The following FARP1 variants were observed in gnomAD, a reference collection of about 807,000 sequenced individuals.
FARP1 encodes FERM, ARHGEF and pleckstrin domain-containing protein 1.
FARP1 carries 52 observed loss-of-function variants against 128.8 expected under a neutral mutation model. The ratio of observed to expected loss-of-function variants is 0.40; its 90% CI spans 0.32 to 0.51. The LOEUF (loss-of-function observed/expected upper bound fraction) is 0.51. FARP1 is among the 20% of genes least tolerant of loss of function. The pLI is 0.45. For synonymous variants in FARP1, 580 were observed against 551.8 expected (o/e 1.05, Z -0.72); for missense variants, 1,333 against 1,367.9 (o/e 0.97, Z 0.40).
intron 2 of FARP1, among the ~76,000 whole-genome samples, chr13:98,302,052 G>C (rs370458223): frequency 1.2e-4 from 18 of 152,042 alleles, no homozygotes; most frequent in Admixed American, 2.6e-4. Context: ...ACACAGACTG[G>C]CTCTGTACCC....
At chr13:98,375,212 C>A (rs1460881276) in intron 5 of FARP1, among the ~76,000 whole-genome samples, 1 of 152,166 alleles carries the variant, frequency 6.6e-6, no homozygotes, top group African/African-American at 2.4e-5. Context: ...TCTGATTATT[C>A]TTTTGCCAGG....
At chr13:98,270,437 C>T (rs1427368520) in intron 2 of FARP1, among the ~76,000 whole-genome samples, 2 of 152,166 alleles carry the variant, frequency 1.3e-5, no homozygotes, top group Admixed American at 6.5e-5. Context: ...TAAATGTGGA[C>T]ATGGGCATTG....
In FARP1 at chr13:98,143,306, C is replaced by G. The variant is rs1170814929; in HGVS notation, c.-210C>G. The G allele has an allele frequency of 4.0e-5, 6 of 149,762 alleles. No individual in the cohort carries two copies. Among genetic ancestry groups the G allele is most frequent in the Non-Finnish European group, 7.5e-5 (5 of 66,866 alleles). 9.3% of individuals were successfully genotyped at this position (149,762 alleles called of 1,614,324 possible). On this transcript the variant is annotated 5_prime_UTR_variant, in exon 1 of 27. Transcript: ENST00000319562. ...GCCTGCTCCGCCCTCCCCTCCGCCC[C>G]GCGCCACCTTTGATGGCTCGGACCT...
intron 1 of FARP1, among the ~76,000 whole-genome samples, chr13:98,210,552 TC>T: frequency 7.9e-6 from 1 of 127,090 alleles, no homozygotes; most frequent in South Asian, 2.4e-4. Context: ...CGTTTTTCTA[TC>T]TTTTCTTTTT....
intron 5 of FARP1, among the ~76,000 whole-genome samples, chr13:98,369,686 G>GA (rs945482593): frequency 3.3e-5 from 5 of 152,118 alleles, no homozygotes; most frequent in Non-Finnish European, 7.3e-5. Context: ...CCCTACAAAG[G>GA]ACATGAACTC....
chr13:98,277,013 C>T (rs1884685277), intron 2 of FARP1, among the ~76,000 whole-genome samples: 1 of 151,994 alleles, frequency 6.6e-6, no homozygotes, highest in East Asian at 1.9e-4. Context: ...GTCAACATTT[C>T]AAACACAAGT....
intron 1 of FARP1, among the ~76,000 whole-genome samples, chr13:98,203,480 A>G (rs1336310198): frequency 1.3e-5 from 2 of 152,184 alleles, no homozygotes; most frequent in Non-Finnish European, 2.9e-5. Flanking sequence ...TGGATATTAC[A>G]TTTAATAGGA....
intron 2 of FARP1, among the ~76,000 whole-genome samples, chr13:98,321,530 T>C (rs761798735): frequency 9.9e-5 from 15 of 152,212 alleles, no homozygotes; most frequent in Non-Finnish European, 1.8e-4. Context: ...CTGCTAGATT[T>C]ATGGCCAAAG....
At chr13:98,165,710 G>GTTTGTTTT (rs1877205378) in intron 1 of FARP1, among the ~76,000 whole-genome samples, 2 of 74,120 alleles carry the variant, frequency 2.7e-5, no homozygotes, top group Admixed American at 2.0e-4. Flanking sequence ...TCCAGAAGGG[G>GTTTGTTTT]TTTTTTTTTT....
chr13:98,385,281 G>A (rs1890052618), intron 7 of FARP1, among the ~76,000 whole-genome samples: 1 of 152,128 alleles, frequency 6.6e-6, no homozygotes, highest in Admixed American at 6.5e-5. Context: ...GGAGCCTGAC[G>A]GCCATGTGAA....
intron 3 of FARP1, among the ~76,000 whole-genome samples, chr13:98,345,265 C>T (rs1463571762): frequency 1.3e-5 from 2 of 152,180 alleles, no homozygotes; most frequent in African/African-American, 2.4e-5. Flanking sequence ...AATTCCAGTC[C>T]TGCAGGAGCT....
intron 1 of FARP1, among the ~76,000 whole-genome samples, chr13:98,189,947 T>G (rs983011872): frequency 2.6e-5 from 4 of 152,230 alleles, no homozygotes; most frequent in Admixed American, 2.0e-4. Flanking sequence ...TCATGCAAGT[T>G]CTCTGTCTTC....
At position 98,365,444 on chromosome 13, in the gene FARP1, A is replaced by T. The variant is rs768855483; in HGVS notation, c.319+7A>T. 5.0e-6 allele frequency: 8 copies of T among 1,586,700 alleles called. No individual in the cohort carries two copies. Among genetic ancestry groups the T allele is most frequent in the Non-Finnish European group, 6.9e-6 (8 of 1,155,756 alleles). Reference sequence around the variant, plus strand: ...ATTGTGAAACAGATTAGAAGTGAGTATATACCATATGTTTAATAGTGATGT... The same window carrying T: ...ATTGTGAAACAGATTAGAAGTGAGTTTATACCATATGTTTAATAGTGATGT... On this transcript the variant is annotated splice_region_variant and intron_variant, in intron 4 of 26. Coordinates refer to ENST00000319562, the MANE Select transcript of FARP1 (RefSeq NM_005766.4).
chr13:98,275,682 A>G (rs1015122741), intron 2 of FARP1, among the ~76,000 whole-genome samples: 7 of 148,278 alleles, frequency 4.7e-5, no homozygotes, highest in East Asian at 2.0e-4. Context: ...GATTGTGACA[A>G]TTAGTTAGTA....
chr13:98,435,601 G>A lies in FARP1; in HGVS notation c.2169G>A (p.Met723Ile), dbSNP rs1305681141. ...CRAALAEITE[M>I]VAQLHGTMIK... ...CCGCTTTGGCAGAGATCACGGAGAT[G>A]GTGGCACAGCTCCACGGTACGATGA... Residue 723 changes from methionine to isoleucine, a missense_variant, in exon 19 of 27, where the codon ATG becomes ATA. Met to Ile is a conservative substitution (Grantham distance 10). Coordinates refer to ENST00000319562, the MANE Select transcript of FARP1 (RefSeq NM_005766.4). 1 of 1,613,758 alleles carries A rather than the reference G, an allele frequency of 6.2e-7. No homozygotes were observed. The highest frequency in any genetic ancestry group is 1.1e-5 in the South Asian group (1 of 91,038).
intron 8 of FARP1, among the ~76,000 whole-genome samples, chr13:98,388,119 T>C (rs1890168790): frequency 1.3e-5 from 2 of 152,308 alleles, no homozygotes; most frequent in Middle Eastern, 3.4e-3. Flanking sequence ...TTTATCTTTC[T>C]TTTCATCATT....
chr13:98,263,984 A>G (rs1042238610), intron 2 of FARP1, among the ~76,000 whole-genome samples: 1 of 152,190 alleles, frequency 6.6e-6, no homozygotes, highest in African/African-American at 2.4e-5. Context: ...GCCTTGCACA[A>G]ATCACCTTCC....
chr13:98,248,761 A>C (rs1233769023), intron 2 of FARP1, among the ~76,000 whole-genome samples: 3 of 151,204 alleles, frequency 2.0e-5, no homozygotes, highest in Non-Finnish European at 4.4e-5. Flanking sequence ...CGCGCTGGAA[A>C]CAGGTGCCTT....
intron 2 of FARP1, among the ~76,000 whole-genome samples, chr13:98,256,948 GATATATAT>G (rs56701739): frequency 0.084 from 6,433 of 76,888 alleles, 412 homozygotes; most frequent in Middle Eastern, 0.1. Context: ...TATATATGTG[GATATATAT>G]ATATATATAT....
Sources: allele counts gnomAD v4.1 joint callset (sites outside exome capture counted in the v4.1 genomes callset), GRCh38; gene constraint gnomAD v4.1.1; transcripts MANE v1.5; gene names NCBI Gene and HGNC (gene_info 2026-07-23, HGNC 2026-07-21).